WDR70: variants seen among roughly 807,000 people sequenced by gnomAD.
WDR70 encodes the protein WD repeat domain 70.
A neutral mutation model predicts 88.6 loss-of-function variants in WDR70; 53 were observed. The observed-to-expected ratio is 0.60, with a 90% CI of 0.48 to 0.75. WDR70 has a LOEUF of 0.75. WDR70 is among the 30% of genes least tolerant of loss of function. The pLI is 0.00. For missense variants in WDR70, 610 were observed against 823.2 expected (o/e 0.74, Z 3.17); for synonymous variants, 280 against 270.0 (o/e 1.04, Z -0.36).
intron 9 of WDR70, among the ~76,000 whole-genome samples, chr5:37,572,780 A>G (rs1442371605): frequency 6.6e-6 from 1 of 152,188 alleles, no homozygotes; most frequent in Non-Finnish European, 1.5e-5. Context: ...TTTTCCTCCC[A>G]CTGCAAACAT....
At chr5:37,602,711 G>A (rs749798527) in intron 9 of WDR70, among the ~76,000 whole-genome samples, 5 of 152,074 alleles carry the variant, frequency 3.3e-5, no homozygotes, top group Non-Finnish European at 7.4e-5. Flanking sequence ...GGGTGCGGTG[G>A]CTCATGCCTG....
chr5:37,668,414 G>A (rs891808751), intron 10 of WDR70, among the ~76,000 whole-genome samples: 1 of 152,154 alleles, frequency 6.6e-6, no homozygotes, highest in Admixed American at 6.5e-5. Context: ...ATGCCTTCTT[G>A]AAATTCTAAA....
At chr5:37,652,854 G>GT (rs1026138487) in intron 10 of WDR70, among the ~76,000 whole-genome samples, 1 of 152,154 alleles carries the variant, frequency 6.6e-6, no homozygotes, top group African/African-American at 2.4e-5. Flanking sequence ...AGATGATGGG[G>GT]TTTTTTAAAT....
intron 10 of WDR70, among the ~76,000 whole-genome samples, chr5:37,669,370 T>C (rs1373796878): frequency 6.7e-6 from 1 of 150,062 alleles, no homozygotes; most frequent in Non-Finnish European, 1.5e-5. Flanking sequence ...GGGGAAAACA[T>C]CTTGACCTGG....
intron 10 of WDR70, among the ~76,000 whole-genome samples, chr5:37,636,769 GAGCTATCCT>G (rs1201164163): frequency 6.6e-6 from 1 of 152,082 alleles, no homozygotes; most frequent in African/African-American, 2.4e-5. Flanking sequence ...TCAAAATCAT[GAGCTATCCT>G]AGATTGGAGG....
chr5:37,557,901 A>ATACTCTTTTGAATGCTCTTCAAAAGAG (rs1561900701), intron 9 of WDR70, among the ~76,000 whole-genome samples: 1 of 30,806 alleles, frequency 3.2e-5, no homozygotes, highest in Non-Finnish European at 6.7e-5. Flanking sequence ...CTTCAGATTT[A>ATACTCTTTTGAATGCTCTTCAAAAGAG]TACTCTTTTG....
intron 9 of WDR70, among the ~76,000 whole-genome samples, chr5:37,526,594 A>G (rs1201109729): frequency 2.6e-5 from 4 of 152,210 alleles, no homozygotes; most frequent in Non-Finnish European, 5.9e-5. Flanking sequence ...GCCCTCTCTC[A>G]CCACTCCTAT....
At chr5:37,438,610 C>T (rs557713410) in intron 6 of WDR70, among the ~76,000 whole-genome samples, 2 of 152,086 alleles carry the variant, frequency 1.3e-5, no homozygotes, top group Non-Finnish European at 2.9e-5. Flanking sequence ...TTATCTTTCC[C>T]TTTTCAGTGA....
chr5:37,689,964 A>G (rs1043957177), intron 10 of WDR70, among the ~76,000 whole-genome samples: 7 of 152,204 alleles, frequency 4.6e-5, no homozygotes, highest in Admixed American at 3.9e-4. Flanking sequence ...AAAACCTCGA[A>G]AAAAGGTTAG....
At chr5:37,510,683 G>A (rs983593927) in intron 8 of WDR70, among the ~76,000 whole-genome samples, 2 of 152,150 alleles carry the variant, frequency 1.3e-5, no homozygotes, top group South Asian at 4.1e-4. Context: ...TCAACAATCT[G>A]TATAATGATT....
At chr5:37,659,494 A>T (rs1410275284) in intron 10 of WDR70, among the ~76,000 whole-genome samples, 1 of 152,078 alleles carries the variant, frequency 6.6e-6, no homozygotes, top group East Asian at 1.9e-4. Flanking sequence ...GAAGCATAGG[A>T]ATTTTATTTG....
intron 13 of WDR70, among the ~76,000 whole-genome samples, chr5:37,714,067 A>AAAAG (rs1487128439): frequency 3.9e-5 from 6 of 152,236 alleles, no homozygotes; most frequent in Non-Finnish European, 8.8e-5. Context: ...AGGACTGAAT[A>AAAAG]AAAGAGTATG....
At chr5:37,494,124 A>T (rs192159573) in intron 8 of WDR70, among the ~76,000 whole-genome samples, 1 of 152,288 alleles carries the variant, frequency 6.6e-6, no homozygotes, top group African/African-American at 2.4e-5. Context: ...TGGCTGGAGT[A>T]CTTTTGCACT....
At chr5:37,470,636 A>T (rs1739299373) in intron 7 of WDR70, among the ~76,000 whole-genome samples, 1 of 152,194 alleles carries the variant, frequency 6.6e-6, no homozygotes, top group African/African-American at 2.4e-5. Flanking sequence ...AAATATATCC[A>T]TATGGTTTAT....
intron 13 of WDR70, among the ~76,000 whole-genome samples, chr5:37,707,134 A>G (rs531433307): frequency 6.6e-6 from 1 of 152,196 alleles, no homozygotes; most frequent in Admixed American, 6.5e-5. Context: ...AACAAATGAT[A>G]ATTTATTGTG....
intron 10 of WDR70, among the ~76,000 whole-genome samples, chr5:37,655,266 C>T (rs919833755): frequency 3.3e-5 from 5 of 152,174 alleles, no homozygotes; most frequent in Admixed American, 3.3e-4. Context: ...TGAATATTGG[C>T]CCCTACTTTC....
chr5:37,705,420 G>T (rs1026802533), intron 13 of WDR70, among the ~76,000 whole-genome samples: 7 of 152,098 alleles, frequency 4.6e-5, no homozygotes, highest in African/African-American at 1.4e-4. Flanking sequence ...GAGATCCATT[G>T]TAATAGATGG....
intron 10 of WDR70, among the ~76,000 whole-genome samples, chr5:37,694,783 C>T (rs920327425): frequency 7.9e-5 from 12 of 151,890 alleles, no homozygotes; most frequent in Admixed American, 6.6e-4. Context: ...CACCATGGCA[C>T]ATGTATACCT....
At chr5:37,397,120 G>T (rs1213063957) in intron 5 of WDR70, among the ~76,000 whole-genome samples, 1 of 149,950 alleles carries the variant, frequency 6.7e-6, no homozygotes, top group African/African-American at 2.5e-5. Flanking sequence ...CTGGGCGACA[G>T]AGTGAGACCC....
Sources: allele counts gnomAD v4.1 joint callset (sites outside exome capture counted in the v4.1 genomes callset), GRCh38; gene constraint gnomAD v4.1.1; transcripts MANE v1.5; gene names NCBI Gene and HGNC (gene_info 2026-07-23, HGNC 2026-07-21).